Variants in GSE1 observed in about 807,000 individuals in gnomAD.
The protein encoded by GSE1 is Gse1 coiled-coil protein.
GSE1 carries 32 observed loss-of-function variants against 112.6 expected under a neutral mutation model. The ratio of observed to expected loss-of-function variants is 0.28; its 90% CI spans 0.21 to 0.38. The LOEUF (loss-of-function observed/expected upper bound fraction) is 0.38, where lower values mean the gene tolerates loss of function less well. Among genes scored for constraint, GSE1 ranks in the 10% least tolerant of loss-of-function variants. The pLI is 1.00. For missense variants in GSE1, 2,348 were observed against 1,699.2 expected, an observed-to-expected ratio of 1.38 and a Z score of -6.71; for synonymous variants, 1,115 against 735.6, an observed-to-expected ratio of 1.52 and a Z score of -8.35.
At chr16:85,391,594 A>G (rs1016018379) in intron 2 of GSE1, among the ~76,000 whole-genome samples, 36 of 152,184 alleles carry the variant, frequency 2.4e-4, no homozygotes, top group African/African-American at 8.4e-4. Flanking sequence ...CTCTGTGTCT[A>G]TGTCCCAATT....
intron 2 of GSE1, among the ~76,000 whole-genome samples, chr16:85,374,080 C>G (rs1185548657): frequency 6.6e-6 from 1 of 151,916 alleles, no homozygotes; most frequent in Non-Finnish European, 1.5e-5. Context: ...GTGTGTGGTG[C>G]TGTATGTGTT....
At chr16:85,502,007 A>C (rs1232453673) in intron 2 of GSE1, among the ~76,000 whole-genome samples, 1 of 152,198 alleles carries the variant, frequency 6.6e-6, no homozygotes, top group Non-Finnish European at 1.5e-5. Context: ...CCGGGGAGCC[A>C]GATGTCCACC....
chr16:85,517,234 G>T (rs2051979299), intron 2 of GSE1, among the ~76,000 whole-genome samples: 1 of 152,102 alleles, frequency 6.6e-6, no homozygotes. Context: ...GTCCCTCCTG[G>T]TGTCTCTGTG....
intron 2 of GSE1, among the ~76,000 whole-genome samples, chr16:85,504,839 C>G (rs1313418033): frequency 6.6e-6 from 1 of 152,154 alleles, no homozygotes; most frequent in Non-Finnish European, 1.5e-5. Flanking sequence ...AGGCCGGTGG[C>G]TCTGGCCTTG....
intron 2 of GSE1, among the ~76,000 whole-genome samples, chr16:85,413,612 A>G (rs1367670689): frequency 6.6e-6 from 1 of 152,166 alleles, no homozygotes; most frequent in Non-Finnish European, 1.5e-5. Context: ...TTAGGTATCA[A>G]TTACATACAT....
In GSE1 at chr16:85,672,585, C is replaced by CTATT. The variant is rs1388534916; in HGVS notation, c.*48_*51dup. On this transcript the variant is annotated 3_prime_UTR_variant, in exon 16 of 16. Transcript: ENST00000253458. The stretch of plus-strand genomic sequence containing the variant: ...CGAACCTATAGTATAGAAATATTAT[C>CTATT]TATTTTATTACCTTGAATATTTAAT... 4 of 1,329,474 alleles carry CTATT rather than the reference C, an allele frequency of 3.0e-6. No homozygotes were observed. The highest frequency in any genetic ancestry group is 1.5e-5 in the African/African-American group (1 of 67,364). 82.4% of individuals were successfully genotyped at this position (1,329,474 alleles called of 1,614,324 possible).
At chr16:85,364,626 C>T (rs1387288619) in intron 2 of GSE1, among the ~76,000 whole-genome samples, 1 of 152,166 alleles carries the variant, frequency 6.6e-6, no homozygotes, top group Non-Finnish European at 1.5e-5. Context: ...TTGGGACTTC[C>T]AGAGTGCCCT....
intron 1 of GSE1, among the ~76,000 whole-genome samples, chr16:85,286,599 T>G (rs2151432174): frequency 1.3e-5 from 2 of 152,286 alleles, no homozygotes; most frequent in Middle Eastern, 6.8e-3. Context: ...CGGTCGGAGC[T>G]GCAACAGTCA....
intron 2 of GSE1, among the ~76,000 whole-genome samples, chr16:85,382,871 A>G (rs1452730652): frequency 1.3e-5 from 2 of 151,112 alleles, no homozygotes; most frequent in African/African-American, 2.4e-5. Flanking sequence ...CACAGCACAC[A>G]TGCACACACA....
intron 3 of GSE1, among the ~76,000 whole-genome samples, chr16:85,652,678 C>G (rs1238935369): frequency 6.6e-6 from 1 of 152,182 alleles, no homozygotes; most frequent in Non-Finnish European, 1.5e-5. Context: ...TGCCGGGTCA[C>G]CGTCTGCCGC....
At chr16:85,333,420 C>T (rs1250173533) in intron 1 of GSE1, among the ~76,000 whole-genome samples, 2 of 152,196 alleles carry the variant, frequency 1.3e-5, no homozygotes, top group Admixed American at 6.5e-5. Flanking sequence ...GCCTCCCACC[C>T]GGCCTCCTCC....
intron 1 of GSE1, among the ~76,000 whole-genome samples, chr16:85,301,508 G>A (rs1251755117): frequency 6.6e-6 from 1 of 152,244 alleles, no homozygotes; most frequent in Non-Finnish European, 1.5e-5. Flanking sequence ...GCTGCCGGTT[G>A]GTGGATGGCA....
At chr16:85,209,999 C>T (rs112135414) in intron 1 of GSE1, among the ~76,000 whole-genome samples, 1,836 of 152,302 alleles carry the variant, frequency 0.012, 36 homozygotes, top group African/African-American at 0.042. Flanking sequence ...CATGGGGACA[C>T]GGTTACAGTC....
intron 1 of GSE1, among the ~76,000 whole-genome samples, chr16:85,564,368 C>T (rs1273864923): frequency 6.6e-6 from 1 of 152,184 alleles, no homozygotes. Flanking sequence ...GGGGCCATCC[C>T]TGCCCACGTT....
intron 1 of GSE1, among the ~76,000 whole-genome samples, chr16:85,316,762 C>T (rs1243826094): frequency 6.6e-6 from 1 of 152,204 alleles, no homozygotes; most frequent in Non-Finnish European, 1.5e-5. Flanking sequence ...GGTGCTGTGG[C>T]CTATTTCCTG....
intron 1 of GSE1, among the ~76,000 whole-genome samples, chr16:85,261,780 C>G (rs144494664): frequency 6.6e-6 from 1 of 152,142 alleles, no homozygotes; most frequent in African/African-American, 2.4e-5. Context: ...GCCATCGTCC[C>G]CAGTCTACAG....
chr16:85,322,831 G>T (rs1022235062), intron 1 of GSE1, among the ~76,000 whole-genome samples: 17 of 151,992 alleles, frequency 1.1e-4, no homozygotes, highest in African/African-American at 4.1e-4. Context: ...GGCCAGGCTG[G>T]TCTCGAACTT....
At chr16:85,284,377 T>C (rs2044951937) in intron 1 of GSE1, among the ~76,000 whole-genome samples, 1 of 152,142 alleles carries the variant, frequency 6.6e-6, no homozygotes, top group Non-Finnish European at 1.5e-5. Context: ...CGCGAGAGCC[T>C]CTGCTTCCAT....
chr16:85,287,891 G>A (rs1202147240), intron 1 of GSE1, among the ~76,000 whole-genome samples: 1 of 152,178 alleles, frequency 6.6e-6, no homozygotes, highest in Admixed American at 6.5e-5. Flanking sequence ...AATAATGCCT[G>A]CGCACAGTAG....
Sources: allele counts gnomAD v4.1 joint callset (sites outside exome capture counted in the v4.1 genomes callset), GRCh38; gene constraint gnomAD v4.1.1; transcripts MANE v1.5; gene names NCBI Gene and HGNC (gene_info 2026-07-23, HGNC 2026-07-21).